ARK2C: variants seen among roughly 807,000 people sequenced by gnomAD.
The protein encoded by ARK2C is E3 ubiquitin-protein ligase ARK2C.
At chr18:46,334,786 T>A in the ARK2C span, 2 of 257,606 alleles carry the variant, frequency 7.8e-6, no homozygotes, top group Non-Finnish European at 1.4e-5. The surrounding 1 kb of genome is among the most constrained non-coding windows in gnomAD (Gnocchi z 4.4). Flanking sequence ...GAGGTATATG[T>A]GTGTTTTGTG....
the ARK2C span, among the ~76,000 whole-genome samples, chr18:46,390,792 C>T: frequency 6.6e-6 from 1 of 151,910 alleles, no homozygotes; most frequent in Non-Finnish European, 1.5e-5. Flanking sequence ...AGCCGGGCAC[C>T]CTTATTCTTG....
At chr18:46,422,733 G>A in the ARK2C span, among the ~76,000 whole-genome samples, 3 of 152,180 alleles carry the variant, frequency 2.0e-5, no homozygotes, top group Admixed American at 6.5e-5. Context: ...GGGCCAAAAA[G>A]GGCCCTGGAA....
chr18:46,387,727 G>A, the ARK2C span, among the ~76,000 whole-genome samples: 1 of 152,248 alleles, frequency 6.6e-6, no homozygotes, highest in East Asian at 1.9e-4. Flanking sequence ...ACGCTGGGAC[G>A]GGAGAAGCTT....
At chr18:46,336,690 T>C in the ARK2C span, 1 of 985,432 alleles carries the variant, frequency 1.0e-6, no homozygotes, top group Non-Finnish European at 1.2e-6. Context: ...TAACCATTTT[T>C]GTATCTTCAT....
chr18:46,361,112 T>C, the ARK2C span, among the ~76,000 whole-genome samples: 2 of 152,238 alleles, frequency 1.3e-5, no homozygotes, highest in Non-Finnish European at 2.9e-5. Flanking sequence ...TTTTTCCTGA[T>C]GCCCAGTGTA....
At chr18:46,336,611 A>C in the ARK2C span, 1 of 985,342 alleles carries the variant, frequency 1.0e-6, no homozygotes, top group Admixed American at 6.1e-5. Flanking sequence ...TGCCAGCTTA[A>C]ATCTGTTCTT....
At chr18:46,364,124 T>C in the ARK2C span, among the ~76,000 whole-genome samples, 88 of 151,760 alleles carry the variant, frequency 5.8e-4, no homozygotes, top group African/African-American at 2.1e-3. Context: ...ATTTTTGTGT[T>C]TTTAATAGAA....
chr18:46,397,643 T>G, the ARK2C span, among the ~76,000 whole-genome samples: 53 of 133,322 alleles, frequency 4.0e-4, no homozygotes, highest in South Asian at 1.5e-3. Flanking sequence ...TGTGTGTGTG[T>G]GTGGGGTCAT....
At chr18:46,419,885 C>G in the ARK2C span, among the ~76,000 whole-genome samples, 2,834 of 152,286 alleles carry the variant, frequency 0.019, 49 homozygotes, top group East Asian at 0.099. Flanking sequence ...CCCTGCTCTC[C>G]TCTAACCTTC....
At chr18:46,387,485 G>A in the ARK2C span, among the ~76,000 whole-genome samples, 1 of 152,394 alleles carries the variant, frequency 6.6e-6, no homozygotes, top group African/African-American at 2.4e-5. Flanking sequence ...TCCAGGACTA[G>A]GGGAGAAACT....
At chr18:46,447,056 T>G in the ARK2C span, among the ~76,000 whole-genome samples, 1 of 152,230 alleles carries the variant, frequency 6.6e-6, no homozygotes, top group African/African-American at 2.4e-5. Context: ...TAATTAGTTT[T>G]TAAGCAAAAT....
At chr18:46,440,028 C>T in the ARK2C span, among the ~76,000 whole-genome samples, 1 of 152,160 alleles carries the variant, frequency 6.6e-6, no homozygotes, top group Non-Finnish European at 1.5e-5. Context: ...CAGGGTTTCA[C>T]CATGTTGGCC....
At chr18:46,406,112 A>G in the ARK2C span, among the ~76,000 whole-genome samples, 1 of 151,112 alleles carries the variant, frequency 6.6e-6, no homozygotes. Flanking sequence ...CCACTCCTAC[A>G]CTCCCCTCAT....
chr18:46,344,874 T>C, the ARK2C span, among the ~76,000 whole-genome samples: 1 of 152,332 alleles, frequency 6.6e-6, no homozygotes, highest in South Asian at 2.1e-4. Context: ...TTGGCTTGGT[T>C]CTGTCAGCAC....
At chr18:46,445,430 A>C in the ARK2C span, among the ~76,000 whole-genome samples, 2 of 152,202 alleles carry the variant, frequency 1.3e-5, no homozygotes, top group South Asian at 4.1e-4. Context: ...CTGGGAACCC[A>C]CTATACCTTG....
the ARK2C span, among the ~76,000 whole-genome samples, chr18:46,377,499 A>G: frequency 6.6e-6 from 1 of 152,080 alleles, no homozygotes; most frequent in Non-Finnish European, 1.5e-5. Context: ...AAGTGGCTGG[A>G]GGGGATTTTC....
At chr18:46,375,797 C>T in the ARK2C span, among the ~76,000 whole-genome samples, 1 of 152,088 alleles carries the variant, frequency 6.6e-6, no homozygotes, top group African/African-American at 2.4e-5. Flanking sequence ...TTGAGTGTCC[C>T]TCCAATCCCA....
At chr18:46,383,705 C>G in the ARK2C span, among the ~76,000 whole-genome samples, 1 of 152,130 alleles carries the variant, frequency 6.6e-6, no homozygotes, top group African/African-American at 2.4e-5. Flanking sequence ...CAGGCAGCCA[C>G]CACCGCGCCC....
the ARK2C span, among the ~76,000 whole-genome samples, chr18:46,411,217 G>A: frequency 3.3e-5 from 5 of 152,228 alleles, no homozygotes; most frequent in African/African-American, 1.2e-4. Context: ...GGCATTGCAG[G>A]AGAGAGCTTA....
Sources: gnomAD v4.1 joint callset for allele counts (sites outside exome capture counted in the v4.1 genomes callset) on GRCh38, gnomAD v4.1.1 for gene constraint, Gnocchi (gnomAD v3.1) non-coding constraint, MANE v1.5 for transcripts, NCBI Gene and HGNC (gene_info 2026-07-23, HGNC 2026-07-21) for gene names.